INVS: variants seen among roughly 807,000 people sequenced by gnomAD.
INVS encodes the protein inversin.
Under a neutral mutation model 108.8 loss-of-function variants are expected in INVS, and 86 were observed. The observed-to-expected ratio is 0.79, with a 90% CI of 0.66 to 0.95. INVS has a LOEUF of 0.95. Among genes scored for constraint, INVS ranks in the 40% least tolerant of loss-of-function variants. The pLI is 0.00. For missense variants in INVS, 1,169 were observed against 1,297.4 expected (o/e 0.90, Z 1.52); for synonymous variants, 455 against 473.5 (o/e 0.96, Z 0.51).
chr9:100,160,887 G>A (rs1045069387), intron 3 of INVS, among the ~76,000 whole-genome samples: 7 of 149,774 alleles, frequency 4.7e-5, no homozygotes, highest in African/African-American at 9.8e-5. Context: ...CCCGGGAGGC[G>A]GAGGTTGCAG....
At chr9:100,226,307 A>C (rs528036309) in intron 4 of INVS, 72 bp downstream of exon 4, 1 of 1,323,994 alleles carries the variant, frequency 7.6e-7, no homozygotes, top group African/African-American at 1.4e-5. Context: ...GTGAAATTTC[A>C]AGGAAGAAGG....
intron 3 of INVS, among the ~76,000 whole-genome samples, chr9:100,204,152 A>G (rs765830815): frequency 6.6e-6 from 1 of 152,218 alleles, no homozygotes; most frequent in Non-Finnish European, 1.5e-5. Context: ...ATTAAAAACA[A>G]TGCCTTACAC....
At chr9:100,217,290 CAG>C (rs1831020267) in intron 3 of INVS, among the ~76,000 whole-genome samples, 1 of 152,094 alleles carries the variant, frequency 6.6e-6, no homozygotes, top group Non-Finnish European at 1.5e-5. Context: ...GCCTGGGCGA[CAG>C]AGTGAGACTC....
intron 3 of INVS, among the ~76,000 whole-genome samples, chr9:100,219,881 G>GATATATATATATATATATATAT (rs61219577): frequency 1.0e-4 from 15 of 148,020 alleles, no homozygotes; most frequent in African/African-American, 3.7e-4. Flanking sequence ...GTCGTTTATG[G>GATATATATATATATATATATAT]ATATATATAT....
intron 12 of INVS, among the ~76,000 whole-genome samples, chr9:100,275,208 T>C (rs1476354175): frequency 6.6e-6 from 1 of 152,202 alleles, no homozygotes; most frequent in Non-Finnish European, 1.5e-5. Context: ...GTTCTCTGCA[T>C]GTGAGTGGCA....
At chr9:100,167,422 T>G (rs1325548926) in intron 3 of INVS, among the ~76,000 whole-genome samples, 1 of 152,144 alleles carries the variant, frequency 6.6e-6, no homozygotes, top group African/African-American at 2.4e-5. Context: ...ACCACAGGTT[T>G]TTGCATTTGT....
intron 2 of INVS, among the ~76,000 whole-genome samples, chr9:100,110,651 A>G (rs1827314375): frequency 6.6e-6 from 1 of 152,196 alleles, no homozygotes; most frequent in South Asian, 2.1e-4. Flanking sequence ...TATTTTTAAG[A>G]GCTGAAATGC....
At chr9:100,298,682 C>T (rs1027346140) in intron 16 of INVS, among the ~76,000 whole-genome samples, 6 of 152,274 alleles carry the variant, frequency 3.9e-5, no homozygotes, top group African/African-American at 1.4e-4. Context: ...TGAACAATGA[C>T]TGTCAGCATG....
chr9:100,173,338 C>T (rs1204648105), intron 3 of INVS, among the ~76,000 whole-genome samples: 1 of 152,148 alleles, frequency 6.6e-6, no homozygotes, highest in African/African-American at 2.4e-5. Flanking sequence ...AGGGCCTACT[C>T]AGTTCTTCAA....
chr9:100,206,216 A>G (rs1045506603), intron 3 of INVS, among the ~76,000 whole-genome samples: 4 of 152,132 alleles, frequency 2.6e-5, no homozygotes, highest in Admixed American at 1.3e-4. Context: ...CCTTGTAGAC[A>G]AGAGGAAAAG....
chr9:100,242,517 AAT>A (rs777623724), intron 6 of INVS, 51 bp from the exon 7 acceptor site: 2 of 975,390 alleles, frequency 2.1e-6, no homozygotes, highest in Non-Finnish European at 3.3e-6. Flanking sequence ...ATAGATTATA[AAT>A]TAATTAACAT....
intron 9 of INVS, among the ~76,000 whole-genome samples, 188 bp downstream of exon 9, chr9:100,252,626 C>G (rs1832274423): frequency 6.6e-6 from 1 of 152,140 alleles, no homozygotes. Context: ...TTGCTTGATA[C>G]AGGAAAAGTA....
intron 4 of INVS, among the ~76,000 whole-genome samples, chr9:100,227,480 G>C (rs1297890142): frequency 6.6e-6 from 1 of 151,308 alleles, no homozygotes; most frequent in Non-Finnish European, 1.5e-5. Flanking sequence ...TATCCTAATA[G>C]GGAAGCCAGT....
intron 3 of INVS, among the ~76,000 whole-genome samples, chr9:100,195,298 G>A (rs892731173): frequency 2.6e-5 from 4 of 152,072 alleles, no homozygotes; most frequent in African/African-American, 7.2e-5. Flanking sequence ...ACATCTATTG[G>A]AATTATCATA....
intron 3 of INVS, among the ~76,000 whole-genome samples, chr9:100,128,244 T>C (rs536102600): frequency 2.9e-4 from 44 of 152,228 alleles, no homozygotes; most frequent in Non-Finnish European, 5.1e-4. Context: ...TTTGATTTTT[T>C]AATTATAAGT....
chr9:100,182,520 T>C (rs949430052), intron 3 of INVS, among the ~76,000 whole-genome samples: 1 of 151,784 alleles, frequency 6.6e-6, no homozygotes, highest in South Asian at 2.1e-4. Context: ...AACAAACACA[T>C]GAAAAAAAGC....
intron 3 of INVS, among the ~76,000 whole-genome samples, chr9:100,127,369 G>T (rs937764047): frequency 2.6e-5 from 4 of 151,908 alleles, no homozygotes; most frequent in Non-Finnish European, 4.4e-5. Context: ...GTATTATTAA[G>T]AGCTCAGATT....
rs1833962807 is a variant in INVS at position 100,301,268 on chromosome 9, A to G, written c.*594A>G. ...ACTGTTTTCATTTAGAAATTGTCCA[A>G]AAGACCATAGATACATTCTGGTGAT... is the stretch of plus-strand genomic sequence containing the variant. On this transcript the variant is annotated 3_prime_UTR_variant, in exon 17 of 17. Coordinates refer to ENST00000262457, the MANE Select transcript of INVS (RefSeq NM_014425.5). Among the ~76,000 whole-genome samples, 1 of 152,080 alleles carries G rather than the reference A, an allele frequency of 6.6e-6. No individual in the cohort carries two copies. The highest frequency in any genetic ancestry group is 6.6e-5 in the Admixed American group (1 of 15,264).
chr9:100,147,947 G>A (rs1828672181), intron 3 of INVS, among the ~76,000 whole-genome samples: 1 of 150,892 alleles, frequency 6.6e-6, no homozygotes, highest in Non-Finnish European at 1.5e-5. Context: ...AATTTGGGAG[G>A]CCAAAACAGG....
Sources: allele counts gnomAD v4.1 joint callset (sites outside exome capture counted in the v4.1 genomes callset), GRCh38; gene constraint gnomAD v4.1.1; transcripts MANE v1.5; gene names NCBI Gene and HGNC (gene_info 2026-07-23, HGNC 2026-07-21).